Variants in ARHGAP23 observed in about 807,000 individuals in gnomAD.
The protein encoded by ARHGAP23 is rho GTPase-activating protein 23.
Under a neutral mutation model 136.3 loss-of-function variants are expected in ARHGAP23, and 34 were observed. The observed-to-expected ratio is 0.25, with a 90% CI of 0.19 to 0.33. The LOEUF (loss-of-function observed/expected upper bound fraction) is 0.33. ARHGAP23 is among the 10% of genes least tolerant of loss of function. The pLI is 1.00. For synonymous variants in ARHGAP23, 832 were observed against 920.5 expected, an observed-to-expected ratio of 0.90 and a Z score of 1.74; for missense variants, 1,808 against 2,139.0, an observed-to-expected ratio of 0.85 and a Z score of 3.05.
chr17:38,474,443 C>T (rs1214848885), intron 11 of ARHGAP23, among the ~76,000 whole-genome samples: 7 of 151,886 alleles, frequency 4.6e-5, no homozygotes, highest in South Asian at 2.1e-4. Context: ...GAGGAGGAGG[C>T]GATAAGGTTC....
chr17:38,490,571 G>A lies in ARHGAP23; in HGVS notation c.3150+20G>A. 6.7e-7 allele frequency: 1 copy of A among 1,484,800 alleles called. No individual in the cohort carries two copies. The highest frequency in any genetic ancestry group is 9.2e-7 in the Non-Finnish European group (1 of 1,087,898). The allele number at this position is 1,484,800 out of a possible 1,614,324, so 92.0% of individuals were successfully genotyped here. A position where few individuals can be genotyped will look rare whatever the true frequency, so the allele number is the denominator to read the frequency against. On this transcript the variant is annotated intron_variant, in intron 19 of 23. Coordinates refer to ENST00000622683, the MANE Select transcript of ARHGAP23 (RefSeq NM_001199417.2). ...AACAAGGTGGGTAGGAGTCCCGCAT[G>A]GAGTCTGGGGGAGGCAAGCACGGAC...
At chr17:38,466,084 C>A in intron 6 of ARHGAP23, 83 bp from the exon 7 acceptor site, 1 of 1,203,780 alleles carries the variant, frequency 8.3e-7, no homozygotes, top group Non-Finnish European at 1.1e-6. Context: ...CCCTCCTGGG[C>A]TCCTTGACCT....
chr17:38,425,676 CA>C (rs1193056295), upstream of ARHGAP23, among the ~76,000 whole-genome samples: 2 of 152,048 alleles, frequency 1.3e-5, no homozygotes, highest in East Asian at 1.9e-4. Context: ...CTCCAAACCC[CA>C]AAAAAATAGG....
chr17:38,468,029 G>A (rs1567801621), intron 7 of ARHGAP23, among the ~76,000 whole-genome samples: 1 of 152,250 alleles, frequency 6.6e-6, no homozygotes, highest in Non-Finnish European at 1.5e-5. Context: ...GGAGCTTGAG[G>A]AGACGGGCTC....
intron 1 of ARHGAP23, among the ~76,000 whole-genome samples, chr17:38,435,745 C>A (rs1430853817): frequency 6.6e-6 from 1 of 152,154 alleles, no homozygotes; most frequent in Non-Finnish European, 1.5e-5. Context: ...ATTACAGGCG[C>A]CCTCTACCAT....
At chr17:38,428,690 G>C (rs991263111) in intron 1 of ARHGAP23, 142 bp downstream of exon 1, 3 of 504,706 alleles carry the variant, frequency 5.9e-6, no homozygotes, top group African/African-American at 4.1e-5. Context: ...CCGCTGCGGG[G>C]AGATTCAGCT....
chr17:38,455,501 C>T (rs1168798283), intron 1 of ARHGAP23, among the ~76,000 whole-genome samples: 1 of 152,188 alleles, frequency 6.6e-6, no homozygotes, highest in Non-Finnish European at 1.5e-5. Context: ...TCCCAGGGAG[C>T]AGCCCCCCCA....
chr17:38,453,460 T>TGTGC lies in ARHGAP23; in HGVS notation c.64-4641_64-4640insTGCG, dbSNP rs1555581033. ...GTGTGTGTGTGTGTGTGTGTGTGTG[T>TGTGC]GCGCGCGCGCGCTGGAAGGGTGCAA... On this transcript the variant is annotated intron_variant, in intron 1 of 23. Coordinates refer to ENST00000622683, the MANE Select transcript of ARHGAP23 (RefSeq NM_001199417.2). Among the ~76,000 whole-genome samples, 59 of 111,994 alleles carry TGTGC rather than the reference T, an allele frequency of 5.3e-4. 1 individual carries two copies. The highest frequency in any genetic ancestry group is 1.8e-3 in the Admixed American group (22 of 12,340). 73.5% of individuals were successfully genotyped at this position (111,994 alleles called of 152,430 possible).
At chr17:38,424,199 C>T (rs556107780), upstream of ARHGAP23, among the ~76,000 whole-genome samples, 4 of 152,278 alleles carry the variant, frequency 2.6e-5, no homozygotes, top group East Asian at 7.7e-4. Flanking sequence ...GAGCCCCACC[C>T]TCCAGATACT....
rs538000767 is a variant in ARHGAP23 at position 38,480,676 on chromosome 17, C to A, written c.2629+793C>A. On this transcript the variant is annotated intron_variant, in intron 14 of 23. Transcript: ENST00000622683. ...AAAAGTACCCGGGCGTGGTGGTGTG[C>A]GCCTGTAATCCCAACTACTTGGGAG... 2.5e-4 allele frequency among the ~76,000 whole-genome samples: 37 copies of A among 150,568 alleles called. No homozygotes were observed. The Middle Eastern group carries it at 0.014, about 56-fold the overall frequency.
chr17:38,495,552 T>C (rs1159785181), intron 20 of ARHGAP23, among the ~76,000 whole-genome samples: 4 of 152,128 alleles, frequency 2.6e-5, no homozygotes, highest in African/African-American at 4.8e-5. Flanking sequence ...ATTTTTCTTA[T>C]CTTCCTTTGC....
At chr17:38,423,819 C>T (rs1412574515), upstream of ARHGAP23, among the ~76,000 whole-genome samples, 1 of 152,192 alleles carries the variant, frequency 6.6e-6, no homozygotes, top group African/African-American at 2.4e-5. Flanking sequence ...TTTAGTCCTG[C>T]CCTGCCATCC....
At chr17:38,456,921 T>A (rs2039338526) in intron 1 of ARHGAP23, among the ~76,000 whole-genome samples, 1 of 152,206 alleles carries the variant, frequency 6.6e-6, no homozygotes, top group Admixed American at 6.5e-5. Flanking sequence ...CCAGCCTTTT[T>A]TTTTTTTGAG....
At chr17:38,506,073 G>A (rs918238718) in intron 23 of ARHGAP23, among the ~76,000 whole-genome samples, 4 of 152,194 alleles carry the variant, frequency 2.6e-5, no homozygotes, top group Admixed American at 6.5e-5. Flanking sequence ...AGAGTATTCC[G>A]GCTGGTAATT....
Position 38,464,086 on chromosome 17 carries a change from C to T in ARHGAP23, c.483+704C>T, listed in dbSNP as rs141701821. Among the ~76,000 whole-genome samples the T allele has an allele frequency of 3.3e-3, 509 of 152,308 alleles. 2 individuals are homozygous for T. The highest frequency in any genetic ancestry group is 0.012 in the African/African-American group (487 of 41,542). ...TCGGACCTCCACAACTACACACCCACGCCGCACTATCACAACATGTATGCT... is the reference window on the plus strand; with the variant it reads ...TCGGACCTCCACAACTACACACCCATGCCGCACTATCACAACATGTATGCT... On this transcript the variant is annotated intron_variant, in intron 6 of 23. Coordinates refer to ENST00000622683, the MANE Select transcript of ARHGAP23 (RefSeq NM_001199417.2).
At chr17:38,484,514 C>T (rs1311957958) in intron 16 of ARHGAP23, among the ~76,000 whole-genome samples, 1 of 152,050 alleles carries the variant, frequency 6.6e-6, no homozygotes, top group African/African-American at 2.4e-5. Context: ...AGGGGCCACG[C>T]TCTGAGTGGG....
chr17:38,469,649 C>T lies in ARHGAP23; in HGVS notation c.1916+14C>T, dbSNP rs751787518. ...CCGGGTTCTGCGGTGAGGCCCTGTC[C>T]GGACACGGGGTGGGGTGGCCACAGC... is the stretch of plus-strand genomic sequence containing the variant. On this transcript the variant is annotated intron_variant, in intron 9 of 23. Transcript: ENST00000622683. The T allele has an allele frequency of 3.1e-5, 48 of 1,547,236 alleles. 1 individual carries two copies. Among genetic ancestry groups the T allele is most frequent in the Middle Eastern group, 2.3e-4 (1 of 4,384 alleles).
In ARHGAP23 at chr17:38,497,843, G is replaced by A. The variant is rs566389828; in HGVS notation, c.3318+17G>A. 1.1e-4 allele frequency: 176 copies of A among 1,551,076 alleles called. 1 individual carries two copies. In the African/African-American group the frequency reaches 1.8e-3, roughly 16 times the overall value. The stretch of plus-strand genomic sequence containing the variant: ...GGAGAGAGAGTAAGTGATGCCGCGG[G>A]CTGGGCTGGCATGGGGGCTGGTCTG... On this transcript the variant is annotated intron_variant, in intron 21 of 23. Coordinates refer to ENST00000622683, the MANE Select transcript of ARHGAP23 (RefSeq NM_001199417.2).
At chr17:38,444,075 T>A (rs1309716646) in intron 1 of ARHGAP23, among the ~76,000 whole-genome samples, 1 of 152,108 alleles carries the variant, frequency 6.6e-6, no homozygotes, top group East Asian at 1.9e-4. Context: ...GGCTCTGGCC[T>A]CTCTCCTTGA....
Sources: gnomAD v4.1 joint callset for allele counts (sites outside exome capture counted in the v4.1 genomes callset) on GRCh38, gnomAD v4.1.1 for gene constraint, MANE v1.5 for transcripts, NCBI Gene and HGNC (gene_info 2026-07-23, HGNC 2026-07-21) for gene names.